FAP: variants seen among roughly 807,000 people sequenced by gnomAD.
The protein encoded by FAP is fibroblast activation protein alpha.
In FAP, 110 loss-of-function variants were observed where a neutral mutation model predicts 126.5. The ratio of observed to expected loss-of-function variants is 0.87; its 90% CI spans 0.74 to 1.02. The LOEUF (loss-of-function observed/expected upper bound fraction) is 1.02, where lower values mean the gene tolerates loss of function less well. FAP is among the 50% of genes least tolerant of loss of function. FAP has a pLI of 0.00. For missense variants in FAP, 919 were observed against 909.2 expected (o/e 1.01, Z -0.14); for synonymous variants, 334 against 297.3 (o/e 1.12, Z -1.27).
intron 22 of FAP, among the ~76,000 whole-genome samples, 166 bp downstream of exon 22, chr2:162,174,701 C>T (rs1246821724): frequency 6.6e-6 from 1 of 152,120 alleles, no homozygotes; most frequent in African/African-American, 2.4e-5. Context: ...TTGATTGTTA[C>T]AACATGTTTA....
rs1454853660 is a variant in FAP at position 162,170,984 on chromosome 2, C to T, written c.2278G>A (p.Asp760Asn). 1.2e-6 allele frequency: 2 copies of T among 1,612,532 alleles called. No homozygotes were observed. The highest frequency in any genetic ancestry group is 1.7e-6 in the Non-Finnish European group (2 of 1,178,894). Residue 760 changes from aspartate to asparagine, a missense_variant, in exon 26 of 26, where the codon GAC (aspartate) becomes AAC (asparagine). Physicochemically the swap from Asp to Asn is conservative, Grantham distance 23. Transcript: ENST00000188790. ...GGCTTGCATCTGCATCGTTTTTAGT[C>T]TGACAAAGAGAAACACTGCTTTAGG... ...HFLKQCFSLSD is the reference protein window; with the variant it reads ...HFLKQCFSLSN
At chr2:162,229,590 A>C (rs1689806488) in intron 2 of FAP, among the ~76,000 whole-genome samples, 1 of 152,176 alleles carries the variant, frequency 6.6e-6, no homozygotes, top group Non-Finnish European at 1.5e-5. Context: ...TGAATAAATA[A>C]AACATAAAAA....
At chr2:162,235,445 T>G (rs1021584078) in intron 2 of FAP, among the ~76,000 whole-genome samples, 2 of 152,130 alleles carry the variant, frequency 1.3e-5, no homozygotes, top group East Asian at 3.9e-4. Context: ...CAATCAGCAC[T>G]CTGTGTCTAG....
chr2:162,240,337 C>A (rs759142743), intron 2 of FAP, among the ~76,000 whole-genome samples: 29 of 152,216 alleles, frequency 1.9e-4, no homozygotes, highest in Non-Finnish European at 3.1e-4. Flanking sequence ...TTCTTATAAT[C>A]CAGTTTAATT....
chr2:162,201,556 T>C (rs549261048), intron 14 of FAP, among the ~76,000 whole-genome samples: 3 of 152,244 alleles, frequency 2.0e-5, no homozygotes, highest in African/African-American at 7.2e-5. Context: ...CACTTCCTTG[T>C]TATGTGGAAG....
At chr2:162,192,134 A>G (rs994211769) in intron 17 of FAP, among the ~76,000 whole-genome samples, 1 of 152,128 alleles carries the variant, frequency 6.6e-6, no homozygotes, top group Admixed American at 6.6e-5. Context: ...AATCTTTTAC[A>G]GCCATCGTCC....
chr2:162,241,686 G>A (rs1690354315), intron 2 of FAP, among the ~76,000 whole-genome samples: 1 of 152,052 alleles, frequency 6.6e-6, no homozygotes, highest in Non-Finnish European at 1.5e-5. Context: ...AGGGAAATGT[G>A]GCCCCAAGAC....
At chr2:162,225,687 T>C (rs1414737538) in intron 3 of FAP, 110 bp from the exon 4 acceptor site, 14 of 1,093,454 alleles carry the variant, frequency 1.3e-5, no homozygotes, top group Non-Finnish European at 1.8e-5. Flanking sequence ...TTCCTCTCTG[T>C]CCAGTACATA....
chr2:162,198,206 A>G, intron 16 of FAP: 3 of 1,289,600 alleles, frequency 2.3e-6, no homozygotes, highest in Non-Finnish European at 3.0e-6. Flanking sequence ...GAAAGGACAA[A>G]GGTTCATCTT....
At chr2:162,243,020 A>G (rs1409997176) in intron 1 of FAP, 28 bp from the exon 2 acceptor site, 19 of 1,555,550 alleles carry the variant, frequency 1.2e-5, no homozygotes, top group Non-Finnish European at 1.7e-5. Context: ...AATTAGGCAT[A>G]CACACAGTTC....
In FAP at chr2:162,218,114, G is replaced by A. The variant is rs62001031; in HGVS notation, c.634C>T (p.Leu212Phe). The A allele has an allele frequency of 6.6e-4, 1,056 of 1,606,372 alleles. 4 individuals are homozygous for A. The African/African-American group carries it at 0.012, about 18-fold the overall frequency. ...EEEMLATKYA[L>F]WWSPNGKFLA... Reference sequence around the variant, plus strand: ...AATTTTCCATTAGGAGACCACCAGAGAGCATATTTTGTAGCAAGCATTTCC... The same window carrying A: ...AATTTTCCATTAGGAGACCACCAGAAAGCATATTTTGTAGCAAGCATTTCC... Residue 212 changes from leucine to phenylalanine, a missense_variant, in exon 9 of 26, where the codon CTC becomes TTC. Coordinates refer to ENST00000188790, the MANE Select transcript of FAP (RefSeq NM_004460.5).
At chr2:162,199,034 GT>G (rs1219949404) in intron 15 of FAP, among the ~76,000 whole-genome samples, 153 bp from the exon 16 acceptor site, 1 of 152,216 alleles carries the variant, frequency 6.6e-6, no homozygotes, top group Non-Finnish European at 1.5e-5. Context: ...GGGAATCACA[GT>G]ATTTTGATGT....
At chr2:162,186,794 G>T (rs1165199283) in intron 20 of FAP, among the ~76,000 whole-genome samples, 2 of 151,968 alleles carry the variant, frequency 1.3e-5, no homozygotes, top group African/African-American at 4.8e-5. Flanking sequence ...GTCCCCCATG[G>T]AATTAAGCTA....
At chr2:162,187,608 G>T (rs555443428) in intron 20 of FAP, among the ~76,000 whole-genome samples, 1 of 152,218 alleles carries the variant, frequency 6.6e-6, no homozygotes, top group African/African-American at 2.4e-5. Context: ...TTATGAATCT[G>T]TGTTTTCCCT....
At chr2:162,209,870 G>T in intron 12 of FAP, 82 bp downstream of exon 12, 1 of 1,201,282 alleles carries the variant, frequency 8.3e-7, no homozygotes, top group Non-Finnish European at 1.2e-6. Flanking sequence ...GTGCCAGTTT[G>T]GGTACATTGC....
At chr2:162,201,582 C>T (rs192047292) in intron 14 of FAP, among the ~76,000 whole-genome samples, 2 of 152,132 alleles carry the variant, frequency 1.3e-5, no homozygotes, top group Non-Finnish European at 2.9e-5. Flanking sequence ...CTGATTGTCT[C>T]CCTCTCTAAC....
intron 4 of FAP, among the ~76,000 whole-genome samples, 168 bp downstream of exon 4, chr2:162,225,315 G>A (rs1022297465): frequency 1.3e-5 from 2 of 152,128 alleles, no homozygotes; most frequent in Admixed American, 6.5e-5. Context: ...AGAAGGCAAA[G>A]ACAGTAGTCT....
At chr2:162,204,601 C>T (rs567034372) in intron 12 of FAP, among the ~76,000 whole-genome samples, 2 of 152,090 alleles carry the variant, frequency 1.3e-5, no homozygotes, top group Non-Finnish European at 2.9e-5. Context: ...TCAGGGATTT[C>T]TAGGAGCCAT....
intron 14 of FAP, 34 bp from the exon 15 acceptor site, chr2:162,200,653 T>C (rs1688461407): frequency 5.1e-6 from 5 of 977,112 alleles, no homozygotes; most frequent in Non-Finnish European, 7.8e-6. Flanking sequence ...TAAGTATTGA[T>C]AAATAAGTGA....
Sources: gnomAD v4.1 joint callset for allele counts (sites outside exome capture counted in the v4.1 genomes callset) on GRCh38, gnomAD v4.1.1 for gene constraint, MANE v1.5 for transcripts, NCBI Gene and HGNC (gene_info 2026-07-23, HGNC 2026-07-21) for gene names.